GAP43: variants seen among roughly 807,000 people sequenced by gnomAD.
GAP43 encodes the protein growth associated protein 43.
In GAP43, 6 loss-of-function variants were observed where a neutral mutation model predicts 18.6. The ratio of observed to expected loss-of-function variants is 0.32; its 90% CI spans 0.18 to 0.64. The LOEUF is 0.64. Ranked by LOEUF, GAP43 falls within the 30% of genes least tolerant of loss-of-function variation. GAP43 has a pLI of 0.78. For missense variants in GAP43, 292 were observed against 295.5 expected (o/e 0.99, Z 0.09); for synonymous variants, 115 against 111.4 (o/e 1.03, Z -0.20).
intron 2 of GAP43, among the ~76,000 whole-genome samples, chr3:115,693,692 T>G: frequency 7.3e-6 from 1 of 136,432 alleles, no homozygotes; most frequent in Non-Finnish European, 1.5e-5. Context: ...AAGAAAGGGG[T>G]GGGGGAGTGC....
intron 2 of GAP43, among the ~76,000 whole-genome samples, chr3:115,699,948 T>G (rs985996485): frequency 2.0e-5 from 3 of 152,254 alleles, no homozygotes; most frequent in East Asian, 3.9e-4. Flanking sequence ...GGGAATTACA[T>G]GCCTGTAGTA....
At chr3:115,694,445 C>A (rs1028831523) in intron 2 of GAP43, among the ~76,000 whole-genome samples, 1 of 152,168 alleles carries the variant, frequency 6.6e-6, no homozygotes, top group African/African-American at 2.4e-5. Context: ...ACTTATTAGG[C>A]CCTCGCCATA....
intron 1 of GAP43, among the ~76,000 whole-genome samples, chr3:115,671,479 C>A (rs966893039): frequency 6.6e-6 from 1 of 152,142 alleles, no homozygotes; most frequent in East Asian, 1.9e-4. Context: ...ATGTCCTACA[C>A]CTTGGTTTCC....
At chr3:115,678,506 A>G (rs1472194558) in intron 2 of GAP43, among the ~76,000 whole-genome samples, 1 of 152,184 alleles carries the variant, frequency 6.6e-6, no homozygotes, top group African/African-American at 2.4e-5. Context: ...GAATTAATGA[A>G]ATATTTTATG....
At chr3:115,690,757 CTT>C (rs71616327) in intron 2 of GAP43, among the ~76,000 whole-genome samples, 5 of 110,980 alleles carry the variant, frequency 4.5e-5, no homozygotes, top group Admixed American at 9.4e-5. Flanking sequence ...TTCTTTCTTT[CTT>C]TTTTTTTTTT....
intron 2 of GAP43, among the ~76,000 whole-genome samples, chr3:115,686,246 A>G (rs1426703016): frequency 6.6e-6 from 1 of 152,212 alleles, no homozygotes. Flanking sequence ...ATCAACTTCC[A>G]AATAATGTAT....
intron 2 of GAP43, among the ~76,000 whole-genome samples, chr3:115,703,926 C>G (rs948922097): frequency 1.3e-5 from 2 of 152,022 alleles, no homozygotes; most frequent in Non-Finnish European, 2.9e-5. Context: ...AATAAAAAAT[C>G]AGTACAAATA....
intron 2 of GAP43, among the ~76,000 whole-genome samples, chr3:115,710,450 G>A (rs191035713): frequency 6.6e-6 from 1 of 152,244 alleles, no homozygotes; most frequent in African/African-American, 2.4e-5. Context: ...AGTTTTTAAA[G>A]AGGGAGAATA....
intron 2 of GAP43, among the ~76,000 whole-genome samples, chr3:115,720,021 T>C (rs552243965): frequency 6.6e-6 from 1 of 152,332 alleles, no homozygotes; most frequent in South Asian, 2.1e-4. Flanking sequence ...GTGTATTCAG[T>C]TGGAATGTGC....
At chr3:115,719,527 C>A (rs758013568) in intron 2 of GAP43, among the ~76,000 whole-genome samples, 1 of 152,146 alleles carries the variant, frequency 6.6e-6, no homozygotes, top group Non-Finnish European at 1.5e-5. Flanking sequence ...ATTACCAGTG[C>A]AAACTCACTC....
chr3:115,690,713 A>C (rs1383135119), intron 2 of GAP43, among the ~76,000 whole-genome samples: 1 of 143,910 alleles, frequency 6.9e-6, no homozygotes, highest in Non-Finnish European at 1.5e-5. Context: ...CTCTCCCCAT[A>C]TGAAGATCCT....
At chr3:115,676,678 C>G in intron 2 of GAP43, 68 bp downstream of exon 2, 1 of 1,416,372 alleles carries the variant, frequency 7.1e-7, no homozygotes, top group Non-Finnish European at 9.3e-7. Flanking sequence ...GAAGACCAGG[C>G]CACCTGGGTC....
chr3:115,638,283 A>C (rs1347390653), intron 1 of GAP43, among the ~76,000 whole-genome samples: 1 of 152,078 alleles, frequency 6.6e-6, no homozygotes, highest in Non-Finnish European at 1.5e-5. Context: ...AAGAAATCCT[A>C]CATTATCCAG....
At chr3:115,705,556 T>A (rs1481381676) in intron 2 of GAP43, among the ~76,000 whole-genome samples, 1 of 152,212 alleles carries the variant, frequency 6.6e-6, no homozygotes, top group African/African-American at 2.4e-5. Flanking sequence ...ACAGTAACAC[T>A]TTTATGATTG....
At chr3:115,655,168 T>C (rs914856551) in intron 1 of GAP43, among the ~76,000 whole-genome samples, 2 of 152,222 alleles carry the variant, frequency 1.3e-5, no homozygotes, top group Non-Finnish European at 2.9e-5. Context: ...TAAACTTTAG[T>C]GAGGCCAGGT....
intron 2 of GAP43, among the ~76,000 whole-genome samples, chr3:115,683,883 T>A (rs1366086758): frequency 6.6e-6 from 1 of 152,182 alleles, no homozygotes; most frequent in Non-Finnish European, 1.5e-5. Flanking sequence ...AATAGTGAAA[T>A]TAACTAACAG....
rs1190165086 is a variant in GAP43 at position 115,697,307 on chromosome 3, C to A, written c.628+20697C>A. On this transcript the variant is annotated intron_variant, in intron 2 of 2. Coordinates refer to ENST00000305124, the MANE Select transcript of GAP43 (RefSeq NM_002045.4). ...CAAGCAGTAAATGCTCAATAAATAT[C>A]AATTCATTCAATGAGTGAAGAAGAT... Among the ~76,000 whole-genome samples, 3 of 152,098 alleles carry A rather than the reference C, an allele frequency of 2.0e-5. No homozygotes were observed. In the East Asian group the frequency reaches 5.8e-4, roughly 29 times the overall value.
intron 2 of GAP43, among the ~76,000 whole-genome samples, chr3:115,678,650 G>T (rs915845090): frequency 6.6e-6 from 1 of 152,028 alleles, no homozygotes; most frequent in Non-Finnish European, 1.5e-5. Context: ...GATTAAAAAT[G>T]TGTCTGGTCA....
intron 1 of GAP43, among the ~76,000 whole-genome samples, chr3:115,648,416 T>C (rs1708484250): frequency 6.6e-6 from 1 of 152,064 alleles, no homozygotes; most frequent in Non-Finnish European, 1.5e-5. Flanking sequence ...CTGCACCCTA[T>C]AAGCCAGGAG....
Sources: allele counts gnomAD v4.1 joint callset (sites outside exome capture counted in the v4.1 genomes callset), GRCh38; gene constraint gnomAD v4.1.1; transcripts MANE v1.5; gene names NCBI Gene and HGNC (gene_info 2026-07-23, HGNC 2026-07-21).